ARSG: variants seen among roughly 807,000 people sequenced by gnomAD.
ARSG encodes the protein ASG.
Under a neutral mutation model 50.5 loss-of-function variants are expected in ARSG, and 37 were observed. The ratio of observed to expected loss-of-function variants is 0.73; its 90% CI spans 0.56 to 0.96. The LOEUF (loss-of-function observed/expected upper bound fraction) is 0.96, where lower values mean the gene tolerates loss of function less well. ARSG is among the 50% of genes least tolerant of loss of function. The pLI, the probability that ARSG is intolerant of heterozygous loss-of-function variation, is 0.00. For synonymous variants in ARSG, 225 were observed against 254.6 expected, an observed-to-expected ratio of 0.88 and a Z score of 1.11; for missense variants, 629 against 675.3, an observed-to-expected ratio of 0.93 and a Z score of 0.76.
In ARSG at chr17:68,398,038, A is replaced by T. The variant is rs559869583; in HGVS notation, c.1212+2845A>T. Among the ~76,000 whole-genome samples the T allele has an allele frequency of 1.0e-3, 153 of 152,302 alleles. 1 individual carries two copies. Among genetic ancestry groups the T allele is most frequent in the Non-Finnish European group, 1.2e-3 (85 of 68,014 alleles). On this transcript the variant is annotated intron_variant, in intron 10 of 11. Transcript: ENST00000621439. ...TGCCTCGGTCTCCCAAAGTGCTGGG[A>T]TTACAGGCGTGAGCCACTGTGCCTG...
In ARSG at chr17:68,351,646, C is replaced by T. The variant is rs1351917843; in HGVS notation, c.526C>T (p.Pro176Ser). The change falls in exon 5 of 12, where the codon CCT becomes TCT. Residue 176 changes from proline (P) to serine (S), a missense_variant. Pro to Ser is a moderately conservative substitution (Grantham distance 74, BLOSUM62 -1). Coordinates refer to ENST00000621439, the MANE Select transcript of ARSG (RefSeq NM_001267727.2). ...TACTGATACTCCAGGCTACAACCAC[C>T]CTCCTTGTCCAGCGTGTCCACAGGG... The part of the protein sequence containing the change: ...GCTDTPGYNH[P>S]PCPACPQGDG... The T allele has an allele frequency of 2.1e-5, 34 of 1,613,890 alleles. No individual in the cohort carries two copies. The highest frequency in any genetic ancestry group is 2.8e-5 in the Non-Finnish European group (33 of 1,179,832).
the ARSG span, chr17:68,428,831 G>A: frequency 2.5e-6 from 4 of 1,611,958 alleles, no homozygotes; most frequent in South Asian, 1.1e-5. Context: ...CTCTTCACCT[G>A]TGGGTTTTGA....
At chr17:68,292,708 C>G (rs1166702357) in intron 1 of ARSG, among the ~76,000 whole-genome samples, 1 of 152,114 alleles carries the variant, frequency 6.6e-6, no homozygotes, top group Admixed American at 6.5e-5. Context: ...TCCTTGCTCG[C>G]TGAGTTCTCT....
chr17:68,351,412 A>G (rs1307608837), intron 4 of ARSG, among the ~76,000 whole-genome samples, 163 bp from the exon 5 acceptor site: 1 of 152,202 alleles, frequency 6.6e-6, no homozygotes, highest in Non-Finnish European at 1.5e-5. Flanking sequence ...GTGATTTTCT[A>G]TGCATACTAC....
chr17:68,420,325 C>T lies in ARSG; in HGVS notation c.1440C>T (p.Pro480=), dbSNP rs570412060. ...RGGAEYQAVL[P]EVRKVLADVL... ...GTGCGGAGTACCAGGCTGTGCTGCC[C>T]GAGGTCAGAAAGGTTCTTGCAGACG... The change falls in exon 12 of 12, where the codon CCC becomes CCT. Residue 480 remains proline (P), a synonymous_variant. Transcript: ENST00000621439. 4.9e-5 allele frequency: 79 copies of T among 1,614,040 alleles called. 1 individual carries two copies. The highest frequency in any genetic ancestry group is 4.7e-4 in the South Asian group (43 of 91,062).
chr17:68,269,036 C>G, intron 1 of ARSG: 1 of 1,593,612 alleles, frequency 6.3e-7, no homozygotes, highest in South Asian at 1.1e-5. Context: ...CTTGTGTCCC[C>G]GTTGGGCCCA....
chr17:68,397,711 G>A (rs539996628), intron 10 of ARSG, among the ~76,000 whole-genome samples: 2 of 152,044 alleles, frequency 1.3e-5, no homozygotes, highest in Admixed American at 6.5e-5. Context: ...TGTGTTATAC[G>A]TGTGCATGCA....
intron 2 of ARSG, among the ~76,000 whole-genome samples, chr17:68,317,773 C>T (rs2077124918): frequency 1.3e-5 from 2 of 152,134 alleles, no homozygotes; most frequent in Admixed American, 1.3e-4. Context: ...ATGAAAATGT[C>T]AGGGACTTAG....
intron 4 of ARSG, among the ~76,000 whole-genome samples, chr17:68,348,557 C>T (rs532324635): frequency 7.9e-5 from 12 of 152,136 alleles, no homozygotes; most frequent in African/African-American, 2.9e-4. Flanking sequence ...CTTACATCCT[C>T]TCTGCGGTGC....
intron 11 of ARSG, among the ~76,000 whole-genome samples, chr17:68,411,987 A>T (rs1395581179): frequency 6.6e-6 from 1 of 151,904 alleles, no homozygotes; most frequent in Non-Finnish European, 1.5e-5. Flanking sequence ...ATCTTCCTCC[A>T]TCCTTTTATT....
intron 3 of ARSG, among the ~76,000 whole-genome samples, chr17:68,344,864 C>T (rs1008221760): frequency 2.0e-5 from 3 of 152,224 alleles, no homozygotes; most frequent in African/African-American, 7.2e-5. Flanking sequence ...ACCGTGTGAA[C>T]CTGTGGGAGG....
chr17:68,365,366 G>A (rs985437666), intron 6 of ARSG, among the ~76,000 whole-genome samples: 33 of 152,294 alleles, frequency 2.2e-4, no homozygotes, highest in African/African-American at 7.7e-4. Context: ...CTTAGTGTGG[G>A]AAGTTACACA....
intron 9 of ARSG, among the ~76,000 whole-genome samples, chr17:68,388,179 G>A (rs904970727): frequency 1.3e-5 from 2 of 152,178 alleles, no homozygotes; most frequent in Non-Finnish European, 2.9e-5. Context: ...CCTTCAGGAG[G>A]CCAGGGCTTT....
rs782291804 is a variant in ARSG, at chr17:68,307,580, GA to G, written c.91del (p.Thr31GlnfsTer9). On this transcript the variant is annotated frameshift_variant, in exon 2 of 12. Transcript: ENST00000621439. LOFTEE classifies it high-confidence loss of function. ...YPLVDFCISG[K>X]TRGQKPNFVI... ...CTCTTGTGGATTTTTGCATCAGTGG[GA>G]AAACAAGAGGACAGAAGCCAAACTT... 127 of 1,614,002 alleles carry G rather than the reference GA, an allele frequency of 7.9e-5. No homozygotes were observed. The highest frequency in any genetic ancestry group is 1.1e-4 in the Non-Finnish European group (125 of 1,180,010).
intron 6 of ARSG, among the ~76,000 whole-genome samples, chr17:68,357,846 A>G (rs944200516): frequency 1.3e-5 from 2 of 152,150 alleles, no homozygotes; most frequent in South Asian, 4.1e-4. Context: ...TTTTCATTTT[A>G]CAACAGAGAT....
chr17:68,261,734 G>A (rs1412183117), intron 1 of ARSG, among the ~76,000 whole-genome samples: 4 of 152,112 alleles, frequency 2.6e-5, no homozygotes, highest in Non-Finnish European at 5.9e-5. Context: ...CCCTAGGGAG[G>A]TGGCATTTGG....
At chr17:68,411,930 C>G (rs2082022411) in intron 11 of ARSG, among the ~76,000 whole-genome samples, 1 of 151,628 alleles carries the variant, frequency 6.6e-6, no homozygotes, top group African/African-American at 2.4e-5. Context: ...TTATCAGAGA[C>G]TAGGATTGCA....
intron 2 of ARSG, among the ~76,000 whole-genome samples, chr17:68,336,196 G>T (rs1396719475): frequency 6.6e-6 from 1 of 151,236 alleles, no homozygotes; most frequent in Non-Finnish European, 1.5e-5. Context: ...ACCGTGCCTG[G>T]TCTTCTTTCT....
At chr17:68,405,872 C>T (rs1568586354) in intron 11 of ARSG, among the ~76,000 whole-genome samples, 1 of 152,150 alleles carries the variant, frequency 6.6e-6, no homozygotes, top group East Asian at 1.9e-4. Flanking sequence ...AAAATCTTTT[C>T]CTACCATTTC....
Sources: gnomAD v4.1 joint callset for allele counts (sites outside exome capture counted in the v4.1 genomes callset) on GRCh38, gnomAD v4.1.1 for gene constraint, MANE v1.5 for transcripts, NCBI Gene and HGNC (gene_info 2026-07-23, HGNC 2026-07-21) for gene names.